The following SLC14A1 variants were observed in gnomAD, a reference collection of about 807,000 sequenced individuals.
SLC14A1 encodes solute carrier family 14 member 1 (Kidd blood group).
In SLC14A1, 36 loss-of-function variants were observed where a neutral mutation model predicts 39.6. The observed-to-expected ratio is 0.91, with a 90% CI of 0.70 to 1.20. The LOEUF (loss-of-function observed/expected upper bound fraction) is 1.20, where lower values mean the gene tolerates loss of function less well. Among genes scored for constraint, SLC14A1 ranks in the 50% most tolerant of loss-of-function variants. SLC14A1 has a pLI of 0.00. For missense variants in SLC14A1, 469 were observed against 478.7 expected, an observed-to-expected ratio of 0.98 and a Z score of 0.19; for synonymous variants, 164 against 173.6, an observed-to-expected ratio of 0.94 and a Z score of 0.43.
rs1188973326 is a variant in SLC14A1, at chr18:45,749,880, G to A, written c.1099G>A (p.Val367Ile). 5.0e-6 allele frequency: 8 copies of A among 1,613,974 alleles called. No homozygotes were observed. In the East Asian group the frequency reaches 8.9e-5, roughly 18 times the overall value. ...SNIYKMPLSKVTYPEENRIFY... is the reference protein window; with the variant it reads ...SNIYKMPLSKITYPEENRIFY... ...CATCTACAAGATGCCCCTCAGTAAA[G>A]TTACTTATCCTGAAGAAAACCGCAT... Residue 367 changes from valine to isoleucine, a missense_variant, in exon 10 of 10, where the codon GTT becomes ATT. Transcript: ENST00000321925.
intron 3 of SLC14A1, 105 bp downstream of exon 3, chr18:45,730,576 T>C (rs1375385061): frequency 4.8e-6 from 6 of 1,241,912 alleles, no homozygotes; most frequent in South Asian, 1.2e-5. Context: ...CAACTTTTTA[T>C]AGATCTCTTT....
chr18:45,735,905 G>T (rs543590479), intron 5 of SLC14A1, among the ~76,000 whole-genome samples: 1 of 152,320 alleles, frequency 6.6e-6, no homozygotes, highest in East Asian at 1.9e-4. Flanking sequence ...CTAAGGAGAT[G>T]CGCCTTGCCT....
At chr18:45,732,441 G>A (rs2047058549) in intron 4 of SLC14A1, among the ~76,000 whole-genome samples, 1 of 152,214 alleles carries the variant, frequency 6.6e-6, no homozygotes, top group East Asian at 1.9e-4. Context: ...TCTCTGAGTT[G>A]TACCTTTGCA....
rs1432855271 is a variant in SLC14A1 at position 45,739,624 on chromosome 18, C to T, written c.908C>T (p.Ala303Val). 14 of 1,614,068 alleles carry T rather than the reference C, an allele frequency of 8.7e-6. No homozygotes were observed. The highest frequency in any genetic ancestry group is 7.7e-5 in the South Asian group (7 of 91,082). Residue 303 changes from alanine to valine, a missense_variant, in exon 8 of 10, where the codon GCG becomes GTG. Physicochemically the swap from Ala to Val is moderately conservative, Grantham distance 64. Coordinates refer to ENST00000321925, the MANE Select transcript of SLC14A1 (RefSeq NM_015865.7). The part of the protein sequence containing the change: ...ACIAMGGMFM[A>V]LTWQTHLLAL... ...ATTGCAATGGGAGGAATGTTCATGG[C>T]GCTCACCTGGCAAACCCACCTCCTG...
chr18:45,741,135 T>C, intron 8 of SLC14A1: 1 of 152,326 alleles, frequency 6.6e-6, no homozygotes. Flanking sequence ...CTCCTCTGCT[T>C]CCCTTTTATA....
Position 45,724,214 on chromosome 18 carries a change from G to GTAT in SLC14A1, c.-145_-144insTAT, listed in dbSNP as rs2046803200. On this transcript the variant is annotated 5_prime_UTR_variant, in exon 1 of 10. Transcript: ENST00000321925. ...CTGAGAAGCACTCTCCCTTGTCGTG[G>GTAT]AGGTGGGCAAATCTTTATCAGCCAC... 2 of 152,260 alleles carry GTAT rather than the reference G, an allele frequency of 1.3e-5. No individual in the cohort carries two copies. Among genetic ancestry groups the GTAT allele is most frequent in the Non-Finnish European group, 2.9e-5 (2 of 68,082 alleles). 9.4% of individuals were successfully genotyped at this position (152,260 alleles called of 1,614,324 possible). A position where few individuals can be genotyped will look rare whatever the true frequency, so the allele number is the denominator to read the frequency against.
intron 8 of SLC14A1, among the ~76,000 whole-genome samples, chr18:45,745,480 G>A (rs190889999): frequency 6.7e-4 from 102 of 152,208 alleles, no homozygotes; most frequent in African/African-American, 2.0e-3. Context: ...GCTCAAGGCT[G>A]TGGAGATGGT....
rs28898897 is a variant in SLC14A1 at position 45,749,876 on chromosome 18, T to C, written c.1095T>C (p.Ser365=). 5.5e-3 allele frequency: 8,927 copies of C among 1,614,136 alleles called. 30 individuals carry two copies. Among genetic ancestry groups the C allele is most frequent in the Middle Eastern group, 0.019 (115 of 6,062 alleles). The change falls in exon 10 of 10, where the codon AGT becomes AGC. Residue 365 remains serine (S), a synonymous_variant. Coordinates refer to ENST00000321925, the MANE Select transcript of SLC14A1 (RefSeq NM_015865.7). ...CCAACATCTACAAGATGCCCCTCAGTAAAGTTACTTATCCTGAAGAAAACC... is the reference window on the plus strand; with the variant it reads ...CCAACATCTACAAGATGCCCCTCAGCAAAGTTACTTATCCTGAAGAAAACC... ...KNSNIYKMPL[S]KVTYPEENRI... is the part of the protein sequence containing the mutation.
chr18:45,747,670 G>A (rs2047585411), intron 8 of SLC14A1, among the ~76,000 whole-genome samples: 1 of 152,072 alleles, frequency 6.6e-6, no homozygotes, highest in Non-Finnish European at 1.5e-5. Flanking sequence ...CCTCCAGCCT[G>A]GGCGACTGAG....
At position 45,751,517 on chromosome 18, in the gene SLC14A1, C is replaced by T. The variant is rs2047709717; in HGVS notation, c.*1566C>T. 1.0e-6 allele frequency: 1 copy of T among 985,028 alleles called. No individual in the cohort carries two copies. The allele number at this position is 985,028 out of a possible 1,614,324, so 61.0% of individuals were successfully genotyped here. A position where few individuals can be genotyped will look rare whatever the true frequency, so the allele number is the denominator to read the frequency against. Reference sequence around the variant, plus strand: ...AGTCACGTTCAGGGACTGGCTCACACCTGTAATCCCAGCACTTTGGGAGAT... The same window carrying T: ...AGTCACGTTCAGGGACTGGCTCACATCTGTAATCCCAGCACTTTGGGAGAT... On this transcript the variant is annotated 3_prime_UTR_variant, in exon 10 of 10. Transcript: ENST00000321925.
At chr18:45,733,778 G>A (rs777562341) in intron 4 of SLC14A1, among the ~76,000 whole-genome samples, 1 of 152,200 alleles carries the variant, frequency 6.6e-6, no homozygotes, top group Non-Finnish European at 1.5e-5. Flanking sequence ...GGCCTGTTGG[G>A]AACTGGGCCG....
Position 45,750,758 on chromosome 18 carries a change from T to C in SLC14A1, c.*807T>C. The C allele has an allele frequency of 2.0e-6, 2 of 985,096 alleles. No individual in the cohort carries two copies. Among genetic ancestry groups the C allele is most frequent in the Non-Finnish European group, 2.4e-6 (2 of 829,666 alleles). 61.0% of individuals were successfully genotyped at this position (985,096 alleles called of 1,614,324 possible). ...CCTGTTCTTACATATTAAAGAAAAG[T>C]TACTTACTGTATTTATGAAATACTC... is the stretch of plus-strand genomic sequence containing the variant. On this transcript the variant is annotated 3_prime_UTR_variant, in exon 10 of 10. Transcript: ENST00000321925.
chr18:45,739,727 A>C, intron 8 of SLC14A1, 65 bp downstream of exon 8: 3 of 1,608,760 alleles, frequency 1.9e-6, no homozygotes, highest in Non-Finnish European at 2.6e-6. Context: ...AAGGATAAGC[A>C]GTAAAAACGG....
chr18:45,736,425 T>A (rs759119180), intron 5 of SLC14A1, 31 bp from the exon 6 acceptor site: 1 of 1,610,330 alleles, frequency 6.2e-7, no homozygotes, highest in South Asian at 1.1e-5. Context: ...CTTTGTCACA[T>A]GCACATTCTT....
In SLC14A1 at chr18:45,750,311, T is replaced by C; in HGVS notation, c.*360T>C. The C allele has an allele frequency of 1.7e-6, 2 of 1,163,552 alleles. No homozygotes were observed. The highest frequency in any genetic ancestry group is 1.6e-5 in the African/African-American group (1 of 63,026). The allele number at this position is 1,163,552 out of a possible 1,614,324, so 72.1% of individuals were successfully genotyped here. A position where few individuals can be genotyped will look rare whatever the true frequency, so the allele number is the denominator to read the frequency against. ...TTAGCTGGCTCGATGATGTTAACAG[T>C]ATTAAAAATTAAACCCCATAAACCA... is the stretch of plus-strand genomic sequence containing the variant. On this transcript the variant is annotated 3_prime_UTR_variant, in exon 10 of 10. Coordinates refer to ENST00000321925, the MANE Select transcript of SLC14A1 (RefSeq NM_015865.7).
intron 6 of SLC14A1, among the ~76,000 whole-genome samples, chr18:45,736,933 T>TTGTGGG (rs1568038398): frequency 6.9e-6 from 1 of 145,402 alleles, no homozygotes; most frequent in Non-Finnish European, 1.5e-5. Context: ...TATCGTAAGC[T>TTGTGGG]TGGGGGTGGG....
chr18:45,742,295 C>T (rs140339355), intron 8 of SLC14A1, among the ~76,000 whole-genome samples: 1 of 150,972 alleles, frequency 6.6e-6, no homozygotes, highest in Non-Finnish European at 1.5e-5. Flanking sequence ...ATTTTGAGCA[C>T]AGGAGATGGC....
intron 5 of SLC14A1, among the ~76,000 whole-genome samples, chr18:45,736,109 C>T (rs559550089): frequency 5.3e-4 from 80 of 152,230 alleles, no homozygotes; most frequent in African/African-American, 1.6e-3. Flanking sequence ...GACATAAGAG[C>T]AAGTGGAGGG....
chr18:45,739,110 G>T lies in SLC14A1; in HGVS notation c.664-53G>T. On this transcript the variant is annotated intron_variant, in intron 6 of 9. Coordinates refer to ENST00000321925, the MANE Select transcript of SLC14A1 (RefSeq NM_015865.7). ...TGTAGGAGTTTGTGGGTGTCCTGTG[G>T]GTTTCTGTTCAGTTGTTTTGGTAGC... 2 of 1,602,680 alleles carry T rather than the reference G, an allele frequency of 1.2e-6. 1 individual carries two copies. Among genetic ancestry groups the T allele is most frequent in the South Asian group, 2.2e-5 (2 of 90,780 alleles).
Sources: allele counts gnomAD v4.1 joint callset (sites outside exome capture counted in the v4.1 genomes callset), GRCh38; gene constraint gnomAD v4.1.1; transcripts MANE v1.5; gene names NCBI Gene and HGNC (gene_info 2026-07-23, HGNC 2026-07-21).